The following DPP10 variants were observed in gnomAD, a reference collection of about 807,000 sequenced individuals.
The protein encoded by DPP10 is inactive dipeptidyl peptidase 10.
In DPP10, 33 loss-of-function variants were observed where a neutral mutation model predicts 120.9. That is an observed-to-expected ratio of 0.27 (90% CI 0.21 to 0.37). The LOEUF is 0.37. DPP10 is among the 10% of genes least tolerant of loss of function. The pLI is 1.00. For missense variants in DPP10, 816 were observed against 942.8 expected, an observed-to-expected ratio of 0.87 and a Z score of 1.76; for synonymous variants, 337 against 326.1, an observed-to-expected ratio of 1.03 and a Z score of -0.36.
chr2:115,332,844 A>C (rs1329839401), intron 2 of DPP10, among the ~76,000 whole-genome samples: 2 of 152,092 alleles, frequency 1.3e-5, no homozygotes, highest in Non-Finnish European at 2.9e-5. Context: ...ATTCCTTCCA[A>C]GTATGTGGTC....
At chr2:114,835,130 G>A (rs1413653748) in intron 1 of DPP10, 1 of 149,710 alleles carries the variant, frequency 6.7e-6, no homozygotes, top group Non-Finnish European at 1.5e-5. Context: ...GTATATATAA[G>A]ACATATCTAC....
chr2:115,184,074 G>A (rs1341502595), intron 1 of DPP10, among the ~76,000 whole-genome samples: 1 of 152,164 alleles, frequency 6.6e-6, no homozygotes, highest in Non-Finnish European at 1.5e-5. Context: ...CCCAGACAGG[G>A]AGAGGGAATA....
At chr2:115,286,055 T>C (rs965896764) in intron 1 of DPP10, among the ~76,000 whole-genome samples, 1 of 152,004 alleles carries the variant, frequency 6.6e-6, no homozygotes, top group African/African-American at 2.4e-5. Context: ...TGGTCTTTGC[T>C]CTACTTTATT....
intron 1 of DPP10, among the ~76,000 whole-genome samples, chr2:114,529,691 T>C (rs896353302): frequency 6.6e-6 from 1 of 152,180 alleles, no homozygotes; most frequent in Non-Finnish European, 1.5e-5. Flanking sequence ...TAAAAATTTT[T>C]ATTTTAAATT....
chr2:115,286,515 TATATATATATAATATATATATATATAAA>T (rs2060394854), intron 1 of DPP10, among the ~76,000 whole-genome samples: 1 of 42,228 alleles, frequency 2.4e-5, no homozygotes, highest in African/African-American at 6.9e-5. Flanking sequence ...ACATATATAA[TATATATATATAATATATATATATATAAA>T]ATATATACAG....
chr2:114,464,425 C>A (rs1205292815), intron 1 of DPP10, among the ~76,000 whole-genome samples: 3 of 152,080 alleles, frequency 2.0e-5, no homozygotes, highest in Non-Finnish European at 4.4e-5. Flanking sequence ...TTATTTTGCC[C>A]ATTTTTAACT....
chr2:114,632,299 C>T (rs941027414), intron 1 of DPP10, among the ~76,000 whole-genome samples: 15 of 151,920 alleles, frequency 9.9e-5, no homozygotes, highest in East Asian at 1.9e-4. Context: ...ACTCTGCTCC[C>T]GAACCATTTC....
rs57462947 is a variant in DPP10, at chr2:115,207,416, C to CAAAAAAAA, written c.61-101800_61-101793dup. ...GGTTTTTAAAGAGTGCTTACTGCAC[C>CAAAAAAAA]AAAAAAAAAAAAAAAAAAAAAAAAA... is the stretch of plus-strand genomic sequence containing the variant. On this transcript the variant is annotated intron_variant, in intron 1 of 25. Coordinates refer to ENST00000410059, the MANE Select transcript of DPP10 (RefSeq NM_020868.6). Among the ~76,000 whole-genome samples, 51 of 52,300 alleles carry CAAAAAAAA rather than the reference C, an allele frequency of 9.8e-4. 8 individuals carry two copies. Among genetic ancestry groups the CAAAAAAAA allele is most frequent in the African/African-American group, 3.0e-3 (45 of 15,136 alleles). The allele number at this position is 52,300 out of a possible 152,430, so 34.3% of individuals were successfully genotyped here.
intron 1 of DPP10, among the ~76,000 whole-genome samples, chr2:114,806,462 G>T (rs1320428499): frequency 6.6e-6 from 1 of 152,066 alleles, no homozygotes; most frequent in Non-Finnish European, 1.5e-5. Flanking sequence ...CTCAGAAAAA[G>T]GAATAAATTG....
chr2:115,311,455 T>C (rs1195628772), intron 2 of DPP10, among the ~76,000 whole-genome samples: 1 of 152,172 alleles, frequency 6.6e-6, no homozygotes, highest in Non-Finnish European at 1.5e-5. Context: ...CTCAGGAATA[T>C]ACATCTTCTG....
At chr2:115,760,922 C>A (rs953657534) in intron 11 of DPP10, among the ~76,000 whole-genome samples, 2 of 151,914 alleles carry the variant, frequency 1.3e-5, no homozygotes, top group East Asian at 3.9e-4. Flanking sequence ...CATGGTGAAA[C>A]CCTGTCTCTA....
At chr2:115,533,986 G>T (rs1284753940) in intron 5 of DPP10, among the ~76,000 whole-genome samples, 1 of 152,032 alleles carries the variant, frequency 6.6e-6, no homozygotes, top group South Asian at 2.1e-4. Flanking sequence ...AGGAAGGAAA[G>T]AAGTAAACAC....
chr2:115,678,318 C>A (rs1217998885), intron 5 of DPP10, among the ~76,000 whole-genome samples: 1 of 152,208 alleles, frequency 6.6e-6, no homozygotes, highest in African/African-American at 2.4e-5. Flanking sequence ...CCCGGGGCCC[C>A]CCTGCTGTGT....
intron 4 of DPP10, among the ~76,000 whole-genome samples, chr2:115,525,116 T>G (rs1229283142): frequency 6.6e-6 from 1 of 152,186 alleles, no homozygotes; most frequent in Non-Finnish European, 1.5e-5. Context: ...AAAGTATCTA[T>G]TATGCTTAAA....
At chr2:114,646,890 A>G (rs1696179598) in intron 1 of DPP10, among the ~76,000 whole-genome samples, 4 of 152,156 alleles carry the variant, frequency 2.6e-5, no homozygotes, top group Admixed American at 2.0e-4. Context: ...TTCCTAAAAG[A>G]TATTTTAAAC....
At chr2:115,275,848 T>C (rs540544163) in intron 1 of DPP10, among the ~76,000 whole-genome samples, 3,496 of 152,104 alleles carry the variant, frequency 0.023, 55 homozygotes, top group Non-Finnish European at 0.036. Context: ...TACAGGCACC[T>C]GCCACCACGC....
intron 1 of DPP10, among the ~76,000 whole-genome samples, chr2:114,610,112 T>A (rs1334741752): frequency 1.3e-5 from 2 of 152,208 alleles, no homozygotes; most frequent in African/African-American, 4.8e-5. Flanking sequence ...AGCATCTCCA[T>A]CTTACGGATG....
intron 1 of DPP10, among the ~76,000 whole-genome samples, chr2:115,247,874 A>T (rs190197460): frequency 1.1e-3 from 170 of 152,256 alleles, no homozygotes; most frequent in Non-Finnish European, 2.1e-3. Flanking sequence ...CTTTGGTCCT[A>T]TTCCAACTAG....
chr2:114,917,578 C>A (rs554354846), intron 1 of DPP10, among the ~76,000 whole-genome samples: 2 of 152,144 alleles, frequency 1.3e-5, no homozygotes, highest in Admixed American at 1.3e-4. Flanking sequence ...CTACAGTAAG[C>A]AAAACAGCAT....
Sources: gnomAD v4.1 joint callset for allele counts (sites outside exome capture counted in the v4.1 genomes callset) on GRCh38, gnomAD v4.1.1 for gene constraint, MANE v1.5 for transcripts, NCBI Gene and HGNC (gene_info 2026-07-23, HGNC 2026-07-21) for gene names.